L3MBTL3: variants seen among roughly 807,000 people sequenced by gnomAD.
L3MBTL3 encodes the protein L3MBTL histone methyl-lysine binding protein 3, also known as lethal(3)malignant brain tumor-like protein 3.
A neutral mutation model predicts 102.3 loss-of-function variants in L3MBTL3; 27 were observed. That is an observed-to-expected ratio of 0.26 (90% CI 0.19 to 0.36). L3MBTL3 has a LOEUF of 0.36. Among genes scored for constraint, L3MBTL3 ranks in the 10% least tolerant of loss-of-function variants. The pLI is 1.00. For synonymous variants in L3MBTL3, 340 were observed against 320.9 expected (o/e 1.06, Z -0.64); for missense variants, 798 against 955.3 (o/e 0.84, Z 2.17).
chr6:130,061,616 C>T (rs1418357235), intron 10 of L3MBTL3, among the ~76,000 whole-genome samples: 1 of 152,140 alleles, frequency 6.6e-6, no homozygotes, highest in African/African-American at 2.4e-5. Flanking sequence ...CAAACTTGAT[C>T]AGACATTGTA....
intron 12 of L3MBTL3, among the ~76,000 whole-genome samples, chr6:130,069,773 C>T (rs1409298817): frequency 6.6e-6 from 1 of 152,176 alleles, no homozygotes; most frequent in East Asian, 1.9e-4. Flanking sequence ...CTATGCATTG[C>T]CAGCATACAA....
At chr6:130,105,238 A>G (rs546966713) in intron 19 of L3MBTL3, among the ~76,000 whole-genome samples, 2 of 152,226 alleles carry the variant, frequency 1.3e-5, no homozygotes, top group Non-Finnish European at 2.9e-5. Context: ...AATTACTTTA[A>G]AACCTAAGGC....
At chr6:130,069,429 T>C (rs1236399369) in intron 12 of L3MBTL3, among the ~76,000 whole-genome samples, 1 of 152,266 alleles carries the variant, frequency 6.6e-6, no homozygotes, top group Non-Finnish European at 1.5e-5. Flanking sequence ...TGAAATGTTT[T>C]CTGATTTAAT....
At chr6:130,136,921 A>G (rs904869503) in intron 22 of L3MBTL3, among the ~76,000 whole-genome samples, 1 of 152,180 alleles carries the variant, frequency 6.6e-6, no homozygotes, top group Non-Finnish European at 1.5e-5. Context: ...CCTGGCCAAC[A>G]TGAGTCACTT....
At position 130,071,053 on chromosome 6, in the gene L3MBTL3, T is replaced by A. The variant is rs1403640974; in HGVS notation, c.1170T>A (p.Val390=). ...VDKKNPSFIC[V]ATVTDMVDNR... ...AAAAGAATCCCTCATTCATCTGTGTTGCTACGGTAACAGATATGGTGGACA... is the reference window on the plus strand; with the variant it reads ...AAAAGAATCCCTCATTCATCTGTGTAGCTACGGTAACAGATATGGTGGACA... Residue 390 remains valine, a synonymous_variant, in exon 13 of 23, where the codon GTT becomes GTA. Transcript: ENST00000361794. 2 of 1,613,138 alleles carry A rather than the reference T, an allele frequency of 1.2e-6. No homozygotes were observed. Among genetic ancestry groups the A allele is most frequent in the Non-Finnish European group, 1.7e-6 (2 of 1,179,228 alleles).
chr6:130,131,993 C>T (rs1787097620), intron 20 of L3MBTL3, among the ~76,000 whole-genome samples: 1 of 152,222 alleles, frequency 6.6e-6, no homozygotes, highest in Non-Finnish European at 1.5e-5. Flanking sequence ...GTATCAGCCT[C>T]ATTTTACCCA....
chr6:130,115,570 C>T (rs762523643), intron 19 of L3MBTL3, among the ~76,000 whole-genome samples: 35 of 152,170 alleles, frequency 2.3e-4, no homozygotes, highest in Non-Finnish European at 3.4e-4. Context: ...CCATCCTATG[C>T]ATTTACCATT....
chr6:130,087,133 A>T (rs1264205449), intron 16 of L3MBTL3, among the ~76,000 whole-genome samples: 2 of 152,116 alleles, frequency 1.3e-5, no homozygotes, highest in Non-Finnish European at 2.9e-5. Flanking sequence ...TTTTAAAAAA[A>T]TTACATTCTC....
At chr6:130,116,486 G>A (rs1199000124) in intron 19 of L3MBTL3, among the ~76,000 whole-genome samples, 1 of 152,128 alleles carries the variant, frequency 6.6e-6, no homozygotes, top group African/African-American at 2.4e-5. Context: ...GCACCCAGCT[G>A]CAGTGTGGGT....
chr6:130,035,980 TTGTGTGTGTG>T (rs71709041), intron 2 of L3MBTL3, among the ~76,000 whole-genome samples: 6,673 of 148,862 alleles, frequency 0.045, 360 homozygotes, highest in African/African-American at 0.13. Context: ...CCTACCTGTT[TTGTGTGTGTG>T]TGTGTGTGTG....
rs974193907 is a variant in L3MBTL3, at chr6:130,049,398, G to C, written c.214+5G>C. ...TGGTACCAACTGCTCAAGAAGGTAAGGATGGGTCATCTGCATTTTATTTCT... is the reference window on the plus strand; with the variant it reads ...TGGTACCAACTGCTCAAGAAGGTAACGATGGGTCATCTGCATTTTATTTCT... On this transcript the variant is annotated splice_donor_5th_base_variant and intron_variant, in intron 4 of 22. Transcript: ENST00000361794. The C allele has an allele frequency of 6.7e-7, 1 of 1,496,492 alleles. No individual in the cohort carries two copies. Among genetic ancestry groups the C allele is most frequent in the Non-Finnish European group, 9.2e-7 (1 of 1,084,284 alleles). The allele number at this position is 1,496,492 out of a possible 1,614,324, so 92.7% of individuals were successfully genotyped here. A position where few individuals can be genotyped will look rare whatever the true frequency, so the allele number is the denominator to read the frequency against.
At chr6:130,081,806 ATACCCCT>A (rs1783374546) in intron 14 of L3MBTL3, among the ~76,000 whole-genome samples, 1 of 152,148 alleles carries the variant, frequency 6.6e-6, no homozygotes, top group African/African-American at 2.4e-5. Context: ...AAACTCACCT[ATACCCCT>A]GACTCAGAGA....
rs1334584045 is a variant in L3MBTL3, at chr6:130,018,597, C to T, written c.-162C>T. On this transcript the variant is annotated 5_prime_UTR_variant, in exon 1 of 23. Coordinates refer to ENST00000361794, the MANE Select transcript of L3MBTL3 (RefSeq NM_032438.4). ...ACTCTACGCGCACATGCGCATTGCG[C>T]CCGCAGCCCTGGACCATTTGTCAGG... 6.5e-6 allele frequency: 1 copy of T among 154,114 alleles called. No homozygotes were observed. Among genetic ancestry groups the T allele is most frequent in the Non-Finnish European group, 1.5e-5 (1 of 68,836 alleles). 9.5% of individuals were successfully genotyped at this position (154,114 alleles called of 1,614,324 possible).
At chr6:130,122,398 A>G (rs1466848621) in intron 20 of L3MBTL3, among the ~76,000 whole-genome samples, 1 of 152,190 alleles carries the variant, frequency 6.6e-6, no homozygotes, top group Non-Finnish European at 1.5e-5. Context: ...ATAAATGGTC[A>G]GAGTTGGAAT....
chr6:130,073,201 GT>G (rs1782743948), intron 13 of L3MBTL3, among the ~76,000 whole-genome samples: 1 of 152,138 alleles, frequency 6.6e-6, no homozygotes, highest in Non-Finnish European at 1.5e-5. Context: ...GAACCCAGGA[GT>G]TTGAGACCAG....
chr6:130,050,970 A>C (rs745965092), intron 5 of L3MBTL3, among the ~76,000 whole-genome samples: 3 of 152,194 alleles, frequency 2.0e-5, no homozygotes, highest in Non-Finnish European at 4.4e-5. Context: ...GAATTTAGTG[A>C]CTAGTGAAAT....
intron 2 of L3MBTL3, among the ~76,000 whole-genome samples, chr6:130,030,643 G>C (rs1040337431): frequency 7.0e-6 from 1 of 143,014 alleles, no homozygotes; most frequent in African/African-American, 2.7e-5. Context: ...TTCTAGCCTG[G>C]GTGACACAGC....
chr6:130,071,224 G>A (rs878864712), intron 13 of L3MBTL3, 97 bp downstream of exon 13: 3 of 1,062,060 alleles, frequency 2.8e-6, no homozygotes, highest in Non-Finnish European at 4.0e-6. Context: ...ACAAAAAAAA[G>A]CAGTGTTCTG....
chr6:130,109,030 A>G (rs1048115364), intron 19 of L3MBTL3, among the ~76,000 whole-genome samples: 11 of 152,202 alleles, frequency 7.2e-5, no homozygotes, highest in African/African-American at 2.2e-4. Context: ...TGCAAAGGAC[A>G]TGAACTCATT....
Sources: allele counts gnomAD v4.1 joint callset (sites outside exome capture counted in the v4.1 genomes callset), GRCh38; gene constraint gnomAD v4.1.1; transcripts MANE v1.5; gene names NCBI Gene and HGNC (gene_info 2026-07-23, HGNC 2026-07-21).